The following SYNPO2 variants were observed in gnomAD, a reference collection of about 807,000 sequenced individuals.
SYNPO2 encodes synaptopodin-2.
A neutral mutation model predicts 85.0 loss-of-function variants in SYNPO2; 56 were observed. The ratio of observed to expected loss-of-function variants is 0.66; its 90% confidence interval spans 0.53 to 0.82. SYNPO2 has a LOEUF of 0.82. Among genes scored for constraint, SYNPO2 ranks in the 40% least tolerant of loss-of-function variants. The probability of loss-of-function intolerance (pLI) is 0.00; values close to 1 mark genes in which losing one functional copy is unlikely to be tolerated. For synonymous variants in SYNPO2, 602 were observed against 591.1 expected (o/e 1.02, Z -0.27); for missense variants, 1,575 against 1,534.2 (o/e 1.03, Z -0.44).
Position 119,046,800 on chromosome 4 carries a change from G to C in SYNPO2, c.3253-10601G>C, listed in dbSNP as rs576087187. 3.3e-5 allele frequency among the ~76,000 whole-genome samples: 5 copies of C among 152,306 alleles called. No individual in the cohort carries two copies. The South Asian group carries it at 1.0e-3, about 32-fold the overall frequency. On this transcript the variant is annotated intron_variant, in intron 4 of 4. Transcript: ENST00000307142. ...ACTTTCAGGTCAATGTGACATCCAA[G>C]TTTCCATTCCTTCCAATATAAGATG... is the stretch of plus-strand genomic sequence containing the variant.
In SYNPO2 at chr4:119,059,245, C is replaced by T. The variant is rs1326169773; in HGVS notation, c.*1311C>T. On this transcript the variant is annotated 3_prime_UTR_variant, in exon 5 of 5. Coordinates refer to ENST00000307142, the MANE Select transcript of SYNPO2 (RefSeq NM_133477.3). ...TGAGGGTAGATGTGAAGATTTAAAA[C>T]GATTGATGGATTTAAGGAAGTGGTA... 6.6e-6 allele frequency: 1 copy of T among 152,132 alleles called. No homozygotes were observed. Among genetic ancestry groups the T allele is most frequent in the Non-Finnish European group, 1.5e-5 (1 of 68,032 alleles). 9.4% of individuals were successfully genotyped at this position (152,132 alleles called of 1,614,324 possible). A position where few individuals can be genotyped will look rare whatever the true frequency, so the allele number is the denominator to read the frequency against.
chr4:119,040,517 C>A (rs938146771), intron 4 of SYNPO2, among the ~76,000 whole-genome samples: 3 of 152,100 alleles, frequency 2.0e-5, no homozygotes, highest in African/African-American at 4.8e-5. Flanking sequence ...AGATCAGATT[C>A]AAAAAGACTG....
At chr4:118,944,239 A>G (rs1257370973) in intron 1 of SYNPO2, among the ~76,000 whole-genome samples, 1 of 152,098 alleles carries the variant, frequency 6.6e-6, no homozygotes. Context: ...ATAATTAATA[A>G]AATAATGCTA....
chr4:118,998,860 C>T (rs1186176675), intron 1 of SYNPO2, among the ~76,000 whole-genome samples: 2 of 151,916 alleles, frequency 1.3e-5, no homozygotes, highest in Admixed American at 1.3e-4. Context: ...CCCACTCCCT[C>T]CCTCCCTCTC....
chr4:119,026,673 A>T lies in SYNPO2; in HGVS notation c.304A>T (p.Lys102Ter). The T allele has an allele frequency of 1.9e-6, 3 of 1,612,566 alleles. No individual in the cohort carries two copies. Among genetic ancestry groups the T allele is most frequent in the Non-Finnish European group, 2.5e-6 (3 of 1,179,462 alleles). ...SEALISENENKNLEHLTHGGY... is the reference protein window; with the variant it reads ...SEALISENEN ...GGCTTTGATATCTGAAAATGAAAAC[A>T]AAAACCTCGAGCATCTCACACATGG... is the stretch of plus-strand genomic sequence containing the variant. The change falls in exon 3 of 5, where the codon AAA (lysine) becomes TAA (stop). Residue 102 changes from lysine (K) to a stop codon, truncating the protein, a stop_gained. Transcript: ENST00000307142. LOFTEE classifies it high-confidence loss of function.
chr4:118,998,403 G>A (rs1736695984), intron 1 of SYNPO2, among the ~76,000 whole-genome samples: 1 of 152,138 alleles, frequency 6.6e-6, no homozygotes, highest in Admixed American at 6.5e-5. Context: ...TGTATTTTAG[G>A]TATTTTCTAT....
At chr4:119,056,668 C>T (rs1739215948) in intron 4 of SYNPO2, among the ~76,000 whole-genome samples, 1 of 152,068 alleles carries the variant, frequency 6.6e-6, no homozygotes, top group African/African-American at 2.4e-5. Flanking sequence ...ATGTAATACA[C>T]ATGAAAGGAA....
intron 1 of SYNPO2, among the ~76,000 whole-genome samples, chr4:118,985,800 C>A (rs1457507214): frequency 6.6e-6 from 1 of 152,342 alleles, no homozygotes; most frequent in South Asian, 2.1e-4. Context: ...TGTACCATGT[C>A]ATCCACAGTT....
chr4:119,005,663 A>G (rs1320512524), intron 1 of SYNPO2, among the ~76,000 whole-genome samples: 2 of 151,548 alleles, frequency 1.3e-5, no homozygotes, highest in Non-Finnish European at 2.9e-5. Flanking sequence ...AGATAGCGTG[A>G]TGCCTCCTGC....
rs752222921 is a variant in SYNPO2, at chr4:119,030,435, T to C, written c.1660T>C (p.Tyr554His). ...VRTQSSVSKS[Y>H]IEVSHGLGHV... The stretch of plus-strand genomic sequence containing the variant: ...AACGCAGAGCTCTGTGAGCAAAAGC[T>C]ACATCGAGGTGAGTCATGGTCTTGG... The change falls in exon 4 of 5, where the codon TAC (tyrosine) becomes CAC (histidine). Residue 554 changes from tyrosine (Y) to histidine (H), a missense_variant. This residue lies in a region of SYNPO2 where 1,508 missense variants were observed against 1,446.8 expected (regional missense o/e 1.04). Transcript: ENST00000307142. The C allele has an allele frequency of 5.6e-6, 9 of 1,613,998 alleles. No individual in the cohort carries two copies. The highest frequency in any genetic ancestry group is 7.6e-6 in the Non-Finnish European group (9 of 1,180,030).
intron 1 of SYNPO2, among the ~76,000 whole-genome samples, chr4:118,985,911 G>T (rs758643707): frequency 1.3e-5 from 2 of 152,232 alleles, no homozygotes; most frequent in Non-Finnish European, 2.9e-5. Context: ...AAGAGGAGCA[G>T]GATACGGGGG....
chr4:118,950,794 T>C (rs62327804), intron 1 of SYNPO2, among the ~76,000 whole-genome samples: 14,791 of 152,200 alleles, frequency 0.097, 846 homozygotes, highest in East Asian at 0.16. Context: ...GAAAATAATA[T>C]TGTTAAAACA....
intron 1 of SYNPO2, among the ~76,000 whole-genome samples, chr4:118,901,736 AC>A (rs1288681296): frequency 6.6e-6 from 1 of 152,144 alleles, no homozygotes; most frequent in East Asian, 1.9e-4. Flanking sequence ...TTGACGAGAA[AC>A]CCTCCACCCT....
chr4:119,023,217 G>A (rs1737807448), intron 1 of SYNPO2, among the ~76,000 whole-genome samples: 1 of 151,912 alleles, frequency 6.6e-6, no homozygotes, highest in South Asian at 2.1e-4. Flanking sequence ...ACAATGCTAT[G>A]AATTAAATGT....
chr4:118,958,886 A>C (rs1734973269), intron 1 of SYNPO2, among the ~76,000 whole-genome samples: 2 of 152,096 alleles, frequency 1.3e-5, no homozygotes, highest in Non-Finnish European at 2.9e-5. Context: ...TTTGGTGGGG[A>C]GGGAGGCAAG....
chr4:118,953,319 A>G (rs1023305107), intron 1 of SYNPO2, among the ~76,000 whole-genome samples: 6 of 152,126 alleles, frequency 3.9e-5, no homozygotes, highest in African/African-American at 1.2e-4. Flanking sequence ...TTATACCCTG[A>G]ACGTCTCCCT....
chr4:119,024,062 G>A (rs1481055135), intron 2 of SYNPO2, among the ~76,000 whole-genome samples: 3 of 152,180 alleles, frequency 2.0e-5, no homozygotes, highest in Admixed American at 2.0e-4. Flanking sequence ...GATTTCTCCA[G>A]TAAAACCAAT....
chr4:118,973,674 C>CA (rs1430455726), intron 1 of SYNPO2, among the ~76,000 whole-genome samples: 1 of 151,890 alleles, frequency 6.6e-6, no homozygotes, highest in East Asian at 1.9e-4. Context: ...AGTTCATAGC[C>CA]AAAAAATTCC....
intron 1 of SYNPO2, among the ~76,000 whole-genome samples, chr4:118,973,976 G>T (rs1218515903): frequency 6.6e-6 from 1 of 152,188 alleles, no homozygotes; most frequent in Non-Finnish European, 1.5e-5. Context: ...GCAGGAGTCA[G>T]GTATTATTGT....
Sources: gnomAD v4.1 joint callset for allele counts (sites outside exome capture counted in the v4.1 genomes callset) on GRCh38, gnomAD v4.1.1 for gene constraint, gnomAD v4.1.1 regional missense constraint, MANE v1.5 for transcripts, NCBI Gene and HGNC (gene_info 2026-07-23, HGNC 2026-07-21) for gene names.